Variants in FHIT observed in about 807,000 individuals in gnomAD.
The protein encoded by FHIT is bis(5'-adenosyl)-triphosphatase.
A neutral mutation model predicts 17.9 loss-of-function variants in FHIT; 19 were observed. The observed-to-expected ratio is 1.06, with a 90% CI of 0.74 to 1.56. FHIT has a LOEUF of 1.56. FHIT is among the 40% of genes most tolerant of loss of function. FHIT has a pLI of 0.00. For synonymous variants in FHIT, 81 were observed against 69.7 expected (o/e 1.16, Z -0.81); for missense variants, 248 against 189.2 (o/e 1.31, Z -1.82).
In FHIT at chr3:60,995,159, G is replaced by A. The variant is rs9840901; in HGVS notation, c.-111+46888C>T. On this transcript the variant is annotated intron_variant, in intron 3 of 9. Coordinates refer to ENST00000492590, the MANE Select transcript of FHIT (RefSeq NM_002012.4). ...CACGGTGAAACCCTGTCTCTACTAA[G>A]AAATAGAAAAAATTAGCCGGGCGTG... Among the ~76,000 whole-genome samples, 417 of 151,830 alleles carry A rather than the reference G, an allele frequency of 2.7e-3. 3 individuals carry two copies. The highest frequency in any genetic ancestry group is 0.024 in the Middle Eastern group (7 of 292).
At chr3:60,443,811 G>C (rs1169117835) in intron 5 of FHIT, among the ~76,000 whole-genome samples, 1 of 152,106 alleles carries the variant, frequency 6.6e-6, no homozygotes, top group African/African-American at 2.4e-5. Context: ...AACACCAAAA[G>C]CAATGGCAAC....
chr3:60,711,455 C>T (rs2041529335), intron 4 of FHIT, among the ~76,000 whole-genome samples: 1 of 152,200 alleles, frequency 6.6e-6, no homozygotes, highest in South Asian at 2.1e-4. Flanking sequence ...GAGAAGAAGT[C>T]TTCATATGAT....
intron 3 of FHIT, among the ~76,000 whole-genome samples, chr3:61,017,867 A>G (rs577624908): frequency 3.3e-5 from 5 of 152,218 alleles, no homozygotes; most frequent in African/African-American, 1.2e-4. Context: ...AAGAGAAAAA[A>G]TTTCCACAAA....
chr3:59,865,520 G>T (rs554567672), intron 8 of FHIT, among the ~76,000 whole-genome samples: 1 of 152,204 alleles, frequency 6.6e-6, no homozygotes, highest in Non-Finnish European at 1.5e-5. Context: ...CTGAAATAAC[G>T]ACCTCCCCTT....
chr3:60,318,368 T>C (rs7636374), intron 5 of FHIT, among the ~76,000 whole-genome samples: 9,987 of 152,036 alleles, frequency 0.066, 1,093 homozygotes, highest in African/African-American at 0.23. Flanking sequence ...AAGAGTGAAA[T>C]AGAAATCAAC....
chr3:60,022,642 C>A (rs1700594879), intron 5 of FHIT, among the ~76,000 whole-genome samples: 1 of 152,124 alleles, frequency 6.6e-6, no homozygotes, highest in African/African-American at 2.4e-5. Context: ...CTTTTGCTAA[C>A]CCCAACCAAC....
intron 5 of FHIT, among the ~76,000 whole-genome samples, chr3:60,216,990 A>G (rs1339535789): frequency 6.6e-6 from 1 of 152,202 alleles, no homozygotes; most frequent in Non-Finnish European, 1.5e-5. Context: ...CCGAGAATAT[A>G]AAAATGAGCA....
chr3:60,477,180 A>G (rs557630836), intron 5 of FHIT, among the ~76,000 whole-genome samples: 19 of 151,992 alleles, frequency 1.3e-4, no homozygotes, highest in Admixed American at 1.1e-3. Context: ...AACAATTTTA[A>G]CTACCTGAGG....
intron 3 of FHIT, among the ~76,000 whole-genome samples, chr3:60,893,923 G>A (rs1298115241): frequency 1.3e-5 from 2 of 152,168 alleles, no homozygotes; most frequent in Non-Finnish European, 2.9e-5. Context: ...CCAGAAGGGT[G>A]GTATACAATT....
chr3:59,820,495 T>A (rs919633431), intron 8 of FHIT, among the ~76,000 whole-genome samples: 2 of 152,180 alleles, frequency 1.3e-5, no homozygotes, highest in African/African-American at 4.8e-5. Context: ...GTCTCACGAT[T>A]TAGAACAGGA....
At position 59,961,358 on chromosome 3, in the gene FHIT, T is replaced by G. The variant is rs150086372; in HGVS notation, c.280-38944A>C. 1.8e-3 allele frequency among the ~76,000 whole-genome samples: 276 copies of G among 152,268 alleles called. 2 individuals are homozygous for G. The highest frequency in any genetic ancestry group is 0.01 in the East Asian group (53 of 5,180). On this transcript the variant is annotated intron_variant, in intron 7 of 9. Coordinates refer to ENST00000492590, the MANE Select transcript of FHIT (RefSeq NM_002012.4). ...AATTATTAGATACTGAGCACTAAAA[T>G]TTAACTAACACCTGGTTCCATAAGG...
intron 5 of FHIT, among the ~76,000 whole-genome samples, chr3:60,416,067 T>C (rs1314743246): frequency 6.6e-6 from 1 of 151,594 alleles, no homozygotes; most frequent in Admixed American, 6.6e-5. Context: ...AAGAGGCATG[T>C]GATGCAGTTA....
intron 8 of FHIT, among the ~76,000 whole-genome samples, chr3:59,803,438 C>T (rs903600323): frequency 6.6e-5 from 10 of 152,328 alleles, no homozygotes; most frequent in East Asian, 5.8e-4. Flanking sequence ...AAGAGACCTC[C>T]GCCAGCTCCT....
At chr3:60,948,225 T>G (rs1708721999) in intron 3 of FHIT, among the ~76,000 whole-genome samples, 1 of 152,180 alleles carries the variant, frequency 6.6e-6, no homozygotes, top group Non-Finnish European at 1.5e-5. Context: ...TTAACCTTGC[T>G]TCTGAACTCT....
chr3:60,578,936 A>G (rs2037664068), intron 4 of FHIT, among the ~76,000 whole-genome samples: 1 of 152,168 alleles, frequency 6.6e-6, no homozygotes, highest in African/African-American at 2.4e-5. Flanking sequence ...CATTAATTAC[A>G]GGCAAAGAAA....
intron 3 of FHIT, among the ~76,000 whole-genome samples, chr3:60,836,347 C>A (rs1456902007): frequency 6.6e-6 from 1 of 152,114 alleles, no homozygotes; most frequent in Non-Finnish European, 1.5e-5. Flanking sequence ...TATAAAACTC[C>A]TATTAATTAT....
intron 5 of FHIT, among the ~76,000 whole-genome samples, chr3:60,123,987 TATATATATATATATATATATATAG>T (rs1441891375): frequency 5.7e-5 from 3 of 52,242 alleles, no homozygotes; most frequent in African/African-American, 1.6e-4. Flanking sequence ...TATATATATA[TATATATATATATATATATATATAG>T]AGAGAGAGAG....
At chr3:60,243,774 C>T (rs1705253579) in intron 5 of FHIT, among the ~76,000 whole-genome samples, 2 of 152,024 alleles carry the variant, frequency 1.3e-5, no homozygotes, top group South Asian at 2.1e-4. Flanking sequence ...TATTATCCCA[C>T]CACCCAGTTC....
At chr3:60,726,894 GC>G (rs1486741424) in intron 4 of FHIT, among the ~76,000 whole-genome samples, 2 of 152,146 alleles carry the variant, frequency 1.3e-5, no homozygotes, top group African/African-American at 4.8e-5. Context: ...CAGAATAGAA[GC>G]AAATAGACAC....
Sources: allele counts gnomAD v4.1 joint callset (sites outside exome capture counted in the v4.1 genomes callset), GRCh38; gene constraint gnomAD v4.1.1; transcripts MANE v1.5; gene names NCBI Gene and HGNC (gene_info 2026-07-23, HGNC 2026-07-21).